The following COL17A1 variants were observed in gnomAD, a reference collection of about 807,000 sequenced individuals.
COL17A1 encodes the protein collagen type XVII alpha 1 chain, also known as collagen alpha-1(XVII) chain.
COL17A1 carries 181 observed loss-of-function variants against 218.4 expected under a neutral mutation model. The ratio of observed to expected loss-of-function variants is 0.83; its 90% CI spans 0.73 to 0.94. COL17A1 has a LOEUF of 0.94. Ranked by LOEUF, COL17A1 falls within the 40% of genes least tolerant of loss-of-function variation. The pLI is 0.00. For synonymous variants in COL17A1, 721 were observed against 731.0 expected (o/e 0.99, Z 0.22); for missense variants, 1,924 against 1,945.9 (o/e 0.99, Z 0.21).
In COL17A1 at chr10:104,031,850, C is replaced by G; in HGVS notation, c.*385G>C. On this transcript the variant is annotated 3_prime_UTR_variant, in exon 56 of 56. Coordinates refer to ENST00000648076, the MANE Select transcript of COL17A1 (RefSeq NM_000494.4). ...TCACCTCCAGGAAGGCGCCCCACCCCCATCCTCCGTTTTCTGGGCTCATAT... is the reference window on the plus strand; with the variant it reads ...TCACCTCCAGGAAGGCGCCCCACCCGCATCCTCCGTTTTCTGGGCTCATAT... 1 of 295,944 alleles carries G rather than the reference C, an allele frequency of 3.4e-6. No homozygotes were observed. Among genetic ancestry groups the G allele is most frequent in the Non-Finnish European group, 6.4e-6 (1 of 155,570 alleles). 18.3% of individuals were successfully genotyped at this position (295,944 alleles called of 1,614,324 possible). A position where few individuals can be genotyped will look rare whatever the true frequency, so the allele number is the denominator to read the frequency against.
intron 11 of COL17A1, among the ~76,000 whole-genome samples, chr10:104,063,350 A>G (rs2086599081): frequency 6.6e-6 from 1 of 152,198 alleles, no homozygotes; most frequent in Non-Finnish European, 1.5e-5. Context: ...TATGTGTTAT[A>G]TTTATAGAAA....
Position 104,034,302 on chromosome 10 carries a change from G to A in COL17A1, c.3799C>T (p.Pro1267Ser). The A allele has an allele frequency of 2.5e-6, 4 of 1,576,088 alleles. No homozygotes were observed. Among genetic ancestry groups the A allele is most frequent in the Non-Finnish European group, 3.4e-6 (4 of 1,165,180 alleles). Reference sequence around the variant, plus strand: ...GGTCCCTGCGGCCCAGGAGGGCCTGGGGGGCCAACAATGAAGCTGCGCACA... The same window carrying A: ...GGTCCCTGCGGCCCAGGAGGGCCTGAGGGGCCAACAATGAAGCTGCGCACA... ...PDVRSFIVGP[P>S]GPPGPQGPPG... Residue 1267 changes from proline to serine, a missense_variant, in exon 52 of 56, where the codon CCA becomes TCA. By Grantham distance (74) the Pro-to-Ser change is moderately conservative (BLOSUM62 -1). Coordinates refer to ENST00000648076, the MANE Select transcript of COL17A1 (RefSeq NM_000494.4).
intron 35 of COL17A1, 67 bp from the exon 36 acceptor site, chr10:104,042,522 A>G (rs901742925): frequency 2.0e-6 from 3 of 1,512,698 alleles, no homozygotes; most frequent in African/African-American, 2.7e-5. Context: ...AACTAAAGGC[A>G]TAATTCCTCC....
At chr10:104,070,591 T>C (rs371869704) in intron 8 of COL17A1, 22 bp from the exon 9 acceptor site, 27 of 1,614,044 alleles carry the variant, frequency 1.7e-5, no homozygotes, top group Non-Finnish European at 2.2e-5. Context: ...TCCACAGACG[T>C]TTCTGTTAAG....
At chr10:104,062,895 G>A (rs569546569) in intron 11 of COL17A1, among the ~76,000 whole-genome samples, 4 of 152,284 alleles carry the variant, frequency 2.6e-5, no homozygotes, top group Admixed American at 2.6e-4. Flanking sequence ...ATTCCTCCTG[G>A]CCAGCAGCTT....
chr10:104,037,738 C>G lies in COL17A1; in HGVS notation c.3106G>C (p.Gly1036Arg), dbSNP rs1401341062. The change falls in exon 46 of 56, where the codon GGT becomes CGT. Residue 1036 changes from glycine to arginine, a missense_variant. By Grantham distance (125) the Gly-to-Arg change is moderately radical. Transcript: ENST00000648076. ...GGGGGACCAGGTGGGCCTGGGGGAC[C>G]CTGAACTCCGGATAGGTAAGATCTA... ...SIRSYLSGVQ[G>R]PPGPPGPPGP... The G allele has an allele frequency of 6.2e-7, 1 of 1,614,110 alleles. No homozygotes were observed. Among genetic ancestry groups the G allele is most frequent in the East Asian group, 2.2e-5 (1 of 44,878 alleles).
At chr10:104,050,762 TC>T in intron 26 of COL17A1, 85 bp downstream of exon 26, 1 of 1,614,000 alleles carries the variant, frequency 6.2e-7, no homozygotes, top group Non-Finnish European at 8.5e-7. Context: ...GACTTCTTCT[TC>T]CCCTCTTGCA....
Position 104,035,493 on chromosome 10 carries a change from C to G in COL17A1, c.3489G>C (p.Glu1163Asp), listed in dbSNP as rs746116200. ...CCTTACCTCGCAGCAAGGAGAGGAG[C>G]TCCTCATAGGAGGTTCCCGGCAAGC... ...PPGLPGTSYEELLSLLRGSEF... is the reference protein window; with the variant it reads ...PPGLPGTSYEDLLSLLRGSEF... Residue 1163 changes from glutamate (E) to aspartate (D), a missense_variant, in exon 49 of 56, where the codon GAG becomes GAC. By Grantham distance (45) the Glu-to-Asp change is conservative (BLOSUM62 2). Transcript: ENST00000648076. The G allele has an allele frequency of 6.2e-7, 1 of 1,613,790 alleles. No individual in the cohort carries two copies. Among genetic ancestry groups the G allele is most frequent in the East Asian group, 2.2e-5 (1 of 44,878 alleles).
At chr10:104,054,267 C>T (rs966882841) in intron 20 of COL17A1, 149 bp from the exon 21 acceptor site, 5 of 776,446 alleles carry the variant, frequency 6.4e-6, no homozygotes, top group Non-Finnish European at 8.9e-6. Context: ...AGATAAACAA[C>T]ACATAGTTTT....
Position 104,043,570 on chromosome 10 carries a change from T to A in COL17A1, c.2446A>T (p.Met816Leu), listed in dbSNP as rs1193297852. The A allele has an allele frequency of 3.1e-6, 5 of 1,613,802 alleles. No homozygotes were observed. In the African/African-American group the frequency reaches 4.0e-5, roughly 13 times the overall value. ...CCTGGGGGGCCTGGGACAGTGAGCATCGATGACCCCTCTGAAAACAGAAGG... is the reference window on the plus strand; with the variant it reads ...CCTGGGGGGCCTGGGACAGTGAGCAACGATGACCCCTCTGAAAACAGAAGG... The part of the protein sequence containing the change: ...GKIVTSEGSS[M>L]LTVPGPPGPP... The change falls in exon 35 of 56, where the codon ATG becomes TTG. Residue 816 changes from methionine to leucine, a missense_variant. Transcript: ENST00000648076.
chr10:104,072,907 A>C (rs777710203), intron 7 of COL17A1, among the ~76,000 whole-genome samples: 2 of 152,220 alleles, frequency 1.3e-5, no homozygotes, highest in African/African-American at 4.8e-5. Flanking sequence ...CCAGAAGTGA[A>C]AGCAGATGTG....
At chr10:104,041,231 G>T in intron 38 of COL17A1, 72 bp downstream of exon 38, 1 of 1,605,364 alleles carries the variant, frequency 6.2e-7, no homozygotes, top group Non-Finnish European at 8.5e-7. Context: ...AGAGGGCCCT[G>T]GGCTCAGGGT....
In COL17A1 at chr10:104,050,369, C is replaced by T. The variant is rs116551282; in HGVS notation, c.2129-245G>A. Among the ~76,000 whole-genome samples, 257 of 152,286 alleles carry T rather than the reference C, an allele frequency of 1.7e-3. 3 individuals are homozygous for T. The highest frequency in any genetic ancestry group is 6.0e-3 in the African/African-American group (251 of 41,566). ...CTGTTGCACAAATTGGTGCCATGGA[C>T]ACAAGAGGTCAGATGCCTTGGAATT... On this transcript the variant is annotated intron_variant, in intron 27 of 55. Transcript: ENST00000648076.
intron 14 of COL17A1, 102 bp from the exon 15 acceptor site, chr10:104,059,820 C>A: frequency 8.2e-7 from 1 of 1,221,222 alleles, no homozygotes; most frequent in Admixed American, 1.8e-5. Context: ...TTGGGAAGGT[C>A]TAGGTTAGAC....
Position 104,064,519 on chromosome 10 carries a change from A to G in COL17A1, c.685T>C (p.Ser229Pro). Residue 229 changes from serine to proline, a missense_variant, in exon 10 of 56, where the codon TCC becomes CCC. Ser to Pro is a moderately conservative substitution (Grantham distance 74). Coordinates refer to ENST00000648076, the MANE Select transcript of COL17A1 (RefSeq NM_000494.4). ...HVWSSTLPAG[S>P]SMGTYHNNMT... is the part of the protein sequence containing the mutation. Reference sequence around the variant, plus strand: ...TTGTTGTGATAGGTCCCCATGGAGGACCCCGCGGGCAGGGTGGAGGACCAC... The same window carrying G: ...TTGTTGTGATAGGTCCCCATGGAGGGCCCCGCGGGCAGGGTGGAGGACCAC... The G allele has an allele frequency of 6.2e-7, 1 of 1,613,792 alleles. No homozygotes were observed. The highest frequency in any genetic ancestry group is 2.2e-5 in the East Asian group (1 of 44,856).
intron 46 of COL17A1, 127 bp from the exon 47 acceptor site, chr10:104,037,240 T>G (rs1439073010): frequency 1.7e-5 from 14 of 831,060 alleles, no homozygotes; most frequent in Non-Finnish European, 2.4e-5. Context: ...AATGGAGTAT[T>G]ACGAGGCTAT....
At chr10:104,048,185 G>T in intron 29 of COL17A1, 81 bp from the exon 30 acceptor site, 1 of 1,487,634 alleles carries the variant, frequency 6.7e-7, no homozygotes, top group Non-Finnish European at 9.4e-7. Context: ...CAGTGGCCTT[G>T]AAGCACATTG....
intron 33 of COL17A1, among the ~76,000 whole-genome samples, chr10:104,045,278 G>A (rs1342736868): frequency 1.3e-5 from 2 of 152,154 alleles, no homozygotes; most frequent in Non-Finnish European, 2.9e-5. Context: ...CTCTCTGCCT[G>A]TACTAAAGCC....
In COL17A1 at chr10:104,036,682, G is replaced by A. The variant is rs535201764; in HGVS notation, c.3278-50C>T. On this transcript the variant is annotated intron_variant, in intron 47 of 55. Transcript: ENST00000648076. ...AGGACCCACCCAGGCCATGGGGGTC[G>A]CAGCCATGATCCAGCCACAGCCTGG... The A allele has an allele frequency of 2.6e-5, 42 of 1,604,452 alleles. No homozygotes were observed. In the African/African-American group the frequency reaches 3.5e-4, roughly 13 times the overall value.
Sources: gnomAD v4.1 joint callset for allele counts (sites outside exome capture counted in the v4.1 genomes callset) on GRCh38, gnomAD v4.1.1 for gene constraint, MANE v1.5 for transcripts, NCBI Gene and HGNC (gene_info 2026-07-23, HGNC 2026-07-21) for gene names.